VPS13B: variants seen among roughly 807,000 people sequenced by gnomAD.
The protein encoded by VPS13B is vacuolar protein sorting 13 homolog B.
Under a neutral mutation model 426.4 loss-of-function variants are expected in VPS13B, and 285 were observed. The observed-to-expected ratio is 0.67, with a 90% CI of 0.61 to 0.74. The LOEUF (loss-of-function observed/expected upper bound fraction) is 0.74, where lower values mean the gene tolerates loss of function less well. Ranked by LOEUF, VPS13B falls within the 30% of genes least tolerant of loss-of-function variation. The pLI is 0.00. For synonymous variants in VPS13B, 1,676 were observed against 1,676.4 expected, an observed-to-expected ratio of 1.00 and a Z score of 0.01; for missense variants, 4,537 against 4,782.6, an observed-to-expected ratio of 0.95 and a Z score of 1.51.
chr8:99,507,987 A>AG, intron 28 of VPS13B: 1 of 1,597,990 alleles, frequency 6.3e-7, no homozygotes. Flanking sequence ...TGATTCATAG[A>AG]GTCAACTCTT....
chr8:99,045,294 C>G (rs1384532858), intron 3 of VPS13B, among the ~76,000 whole-genome samples: 1 of 152,098 alleles, frequency 6.6e-6, no homozygotes, highest in Middle Eastern at 3.2e-3. Context: ...TTGCGTTTCC[C>G]TGATTATTAG....
chr8:99,406,906 AT>A (rs1815363871), intron 21 of VPS13B, among the ~76,000 whole-genome samples: 1 of 152,228 alleles, frequency 6.6e-6, no homozygotes. Flanking sequence ...GTTTGTAACA[AT>A]CATGAAGGTG....
intron 35 of VPS13B, among the ~76,000 whole-genome samples, chr8:99,664,385 T>A (rs1024792085): frequency 1.3e-5 from 2 of 151,946 alleles, no homozygotes; most frequent in Non-Finnish European, 2.9e-5. Context: ...GTTACATATG[T>A]ATACATGTGC....
At chr8:99,234,049 C>T (rs1563617534) in intron 17 of VPS13B, 17 of 775,780 alleles carry the variant, frequency 2.2e-5, no homozygotes, top group African/African-American at 1.7e-5. Context: ...GGGTTGGATC[C>T]GCAGCGGGAA....
intron 39 of VPS13B, among the ~76,000 whole-genome samples, chr8:99,738,010 A>G (rs1833916845): frequency 1.3e-5 from 2 of 152,236 alleles, no homozygotes; most frequent in South Asian, 2.1e-4. Flanking sequence ...GTTGTGCTCT[A>G]CTTTGGGGAG....
At chr8:99,590,800 A>G (rs546035034) in intron 33 of VPS13B, among the ~76,000 whole-genome samples, 13 of 152,264 alleles carry the variant, frequency 8.5e-5, no homozygotes, top group African/African-American at 3.1e-4. Context: ...TGCTGAGAAT[A>G]ATGTATATTC....
At chr8:99,555,528 T>C (rs1400137138) in intron 30 of VPS13B, among the ~76,000 whole-genome samples, 1 of 152,170 alleles carries the variant, frequency 6.6e-6, no homozygotes, top group Non-Finnish European at 1.5e-5. Context: ...ATAAAAACTT[T>C]TATGGGGGCC....
chr8:99,859,540 A>G, intron 57 of VPS13B, 60 bp downstream of exon 57: 1 of 1,541,688 alleles, frequency 6.5e-7, no homozygotes, highest in Non-Finnish European at 8.8e-7. Context: ...TTTTTTTTTA[A>G]AGAATGTGCT....
Position 99,013,701 on chromosome 8 carries a change from C to T in VPS13B, c.-29-59C>T. 4.6e-6 allele frequency: 7 copies of T among 1,536,584 alleles called. 1 individual carries two copies. The South Asian group carries it at 7.9e-5, about 17-fold the overall frequency. Reference sequence around the variant, plus strand: ...ACTTACTGCTTTCGGCCTGAGATAACGAACGCTCTTTCCTTCACTCTACCG... The same window carrying T: ...ACTTACTGCTTTCGGCCTGAGATAATGAACGCTCTTTCCTTCACTCTACCG... On this transcript the variant is annotated intron_variant, in intron 1 of 61. Coordinates refer to ENST00000357162, the MANE Select transcript of VPS13B (RefSeq NM_152564.5).
chr8:99,502,871 G>A lies in VPS13B; in HGVS notation c.4078G>A (p.Ala1360Thr). 2.5e-6 allele frequency: 4 copies of A among 1,613,530 alleles called. No individual in the cohort carries two copies. The highest frequency in any genetic ancestry group is 3.4e-6 in the Non-Finnish European group (4 of 1,179,666). Reference protein sequence around the residue: ...CMVSELEDLSASIDVQDVYTK... With the variant: ...CMVSELEDLSTSIDVQDVYTK... ...GGTCAGTGAACTAGAAGATCTCAGT[G>A]CTTCCATAGATGTCCAGGATGTATA... Residue 1360 changes from alanine (A) to threonine (T), a missense_variant, in exon 27 of 62, where the codon GCT becomes ACT. By Grantham distance (58) the Ala-to-Thr change is moderately conservative (BLOSUM62 0). This residue lies in a region of VPS13B where 4,311 missense variants were observed against 4,474.3 expected (regional missense o/e 0.96). Coordinates refer to ENST00000357162, the MANE Select transcript of VPS13B (RefSeq NM_152564.5).
intron 19 of VPS13B, among the ~76,000 whole-genome samples, chr8:99,344,481 C>A (rs1363367165): frequency 2.0e-5 from 3 of 152,134 alleles, no homozygotes; most frequent in Non-Finnish European, 1.5e-5. Context: ...GTAGGTATGT[C>A]TTTTACTTTA....
chr8:99,172,781 C>T (rs937862361), intron 16 of VPS13B, among the ~76,000 whole-genome samples: 2 of 152,044 alleles, frequency 1.3e-5, no homozygotes, highest in African/African-American at 4.8e-5. Flanking sequence ...TGGATATTAA[C>T]ATTAGGTGGA....
intron 33 of VPS13B, among the ~76,000 whole-genome samples, chr8:99,612,773 C>T (rs1827899997): frequency 6.6e-6 from 1 of 152,224 alleles, no homozygotes; most frequent in Non-Finnish European, 1.5e-5. Context: ...ACCAGGGACA[C>T]TCCATATTAT....
intron 33 of VPS13B, among the ~76,000 whole-genome samples, chr8:99,579,568 T>C (rs1410481972): frequency 6.6e-6 from 1 of 151,840 alleles, no homozygotes. Flanking sequence ...CAGCTAATTT[T>C]TTTGTATTTT....
chr8:99,848,994 A>C (rs1177440707), intron 55 of VPS13B, 100 bp downstream of exon 55: 1 of 1,141,686 alleles, frequency 8.8e-7, no homozygotes, highest in African/African-American at 1.5e-5. Flanking sequence ...AATGTATTAA[A>C]GCTTTTGGTT....
chr8:99,490,555 A>AT (rs1267925165), intron 25 of VPS13B, among the ~76,000 whole-genome samples: 3 of 152,138 alleles, frequency 2.0e-5, no homozygotes, highest in African/African-American at 7.2e-5. Context: ...TTGGTAGGCT[A>AT]TTAATTTTTG....
At chr8:99,215,187 T>C (rs377688812) in intron 17 of VPS13B, among the ~76,000 whole-genome samples, 1 of 152,194 alleles carries the variant, frequency 6.6e-6, no homozygotes, top group East Asian at 1.9e-4. Flanking sequence ...GTTCAAAATG[T>C]AAATAGTTTA....
rs191956303 is a variant in VPS13B at position 99,204,995 on chromosome 8, C to G, written c.2515+11938C>G. On this transcript the variant is annotated intron_variant, in intron 17 of 61. Transcript: ENST00000357162. The stretch of plus-strand genomic sequence containing the variant: ...AGAAATACCATTTGACCCAGCCATC[C>G]CATTACTGGGTATATACCCAAAGGA... Among the ~76,000 whole-genome samples the G allele has an allele frequency of 9.1e-4, 138 of 152,238 alleles. 2 individuals are homozygous for G. Among genetic ancestry groups the G allele is most frequent in the African/African-American group, 3.3e-3 (136 of 41,538 alleles).
At chr8:99,841,462 C>T (rs1815679259) in intron 54 of VPS13B, among the ~76,000 whole-genome samples, 1 of 152,130 alleles carries the variant, frequency 6.6e-6, no homozygotes. Flanking sequence ...ACTGTTTTCC[C>T]AGTACAAAAA....
Sources: gnomAD v4.1 joint callset for allele counts (sites outside exome capture counted in the v4.1 genomes callset) on GRCh38, gnomAD v4.1.1 for gene constraint, gnomAD v4.1.1 regional missense constraint, MANE v1.5 for transcripts, NCBI Gene and HGNC (gene_info 2026-07-23, HGNC 2026-07-21) for gene names.